The following ADD2 variants were observed in gnomAD, a reference collection of about 807,000 sequenced individuals.
ADD2 encodes the protein adducin 2.
In ADD2, 23 loss-of-function variants were observed where a neutral mutation model predicts 83.0. The observed-to-expected ratio is 0.28, with a 90% CI of 0.20 to 0.39. ADD2 has a LOEUF of 0.39. Ranked by LOEUF, ADD2 falls within the 10% of genes least tolerant of loss-of-function variation. The pLI, the probability that ADD2 is intolerant of heterozygous loss-of-function variation, is 1.00. For missense variants in ADD2, 758 were observed against 944.9 expected (o/e 0.80, Z 2.59); for synonymous variants, 375 against 375.4 (o/e 1.00, Z 0.01).
chr2:70,674,183 A>G (rs1553367737), intron 14 of ADD2, among the ~76,000 whole-genome samples: 1 of 152,194 alleles, frequency 6.6e-6, no homozygotes, highest in East Asian at 1.9e-4. Flanking sequence ...TGCCAGGAAG[A>G]GACAAAGGTA....
At chr2:70,708,656 C>T (rs1553374965) in intron 2 of ADD2, among the ~76,000 whole-genome samples, 7 of 152,198 alleles carry the variant, frequency 4.6e-5, no homozygotes. Flanking sequence ...CATCTGCTAT[C>T]ATACACTTGG....
In ADD2 at chr2:70,657,279, C is replaced by T. The variant is rs997216301; in HGVS notation, c.*6146G>A. On this transcript the variant is annotated 3_prime_UTR_variant, in exon 16 of 16. Coordinates refer to ENST00000264436, the MANE Select transcript of ADD2 (RefSeq NM_001617.4). Reference sequence around the variant, plus strand: ...GAAGACAGTAAGTACTCTTGCGTGACGATTGTCAGACACAGACATTTCACT... The same window carrying T: ...GAAGACAGTAAGTACTCTTGCGTGATGATTGTCAGACACAGACATTTCACT... 8 of 152,024 alleles carry T rather than the reference C, an allele frequency of 5.3e-5. No homozygotes were observed. The highest frequency in any genetic ancestry group is 1.5e-4 in the African/African-American group (6 of 41,334). 9.4% of individuals were successfully genotyped at this position (152,024 alleles called of 1,614,324 possible).
intron 8 of ADD2, 72 bp downstream of exon 8, chr2:70,690,714 A>G: frequency 6.6e-7 from 1 of 1,520,562 alleles, no homozygotes; most frequent in Non-Finnish European, 8.9e-7. Flanking sequence ...TCCAATGAAC[A>G]TATGTCACTT....
At chr2:70,742,549 A>T (rs1157150109) in intron 1 of ADD2, among the ~76,000 whole-genome samples, 3 of 152,246 alleles carry the variant, frequency 2.0e-5, no homozygotes, top group Non-Finnish European at 4.4e-5. Context: ...CGATATCTGC[A>T]ATCAAAGTGA....
At chr2:70,700,449 C>T (rs1293789175) in intron 4 of ADD2, among the ~76,000 whole-genome samples, 2 of 151,936 alleles carry the variant, frequency 1.3e-5, no homozygotes, top group South Asian at 4.2e-4. Flanking sequence ...TAAGGCCAAA[C>T]ATATACTCAT....
intron 15 of ADD2, among the ~76,000 whole-genome samples, chr2:70,666,812 C>A (rs1256833949): frequency 6.6e-6 from 1 of 152,132 alleles, no homozygotes; most frequent in Non-Finnish European, 1.5e-5. Context: ...AAAGTGGGGG[C>A]CACAGATGGT....
At chr2:70,719,377 G>A (rs1302359259) in intron 1 of ADD2, among the ~76,000 whole-genome samples, 4 of 152,218 alleles carry the variant, frequency 2.6e-5, no homozygotes, top group Non-Finnish European at 4.4e-5. Flanking sequence ...GCTCTAGAGA[G>A]ACGATTACAA....
At chr2:70,718,033 C>G (rs1672560123) in intron 1 of ADD2, among the ~76,000 whole-genome samples, 1 of 152,210 alleles carries the variant, frequency 6.6e-6, no homozygotes, top group African/African-American at 2.4e-5. Flanking sequence ...TCCTTTAACT[C>G]CTTCACTGCT....
chr2:70,768,054 C>G lies in ADD2; in HGVS notation c.-322G>C. On this transcript the variant is annotated 5_prime_UTR_variant, in exon 1 of 16. Transcript: ENST00000264436. The stretch of plus-strand genomic sequence containing the variant: ...CTCGTCAGAGCTGCTGGGAGATCCC[C>G]CAGCAGTGCAGCGGCTCCGCGGCGG... 2.9e-6 allele frequency: 4 copies of G among 1,368,826 alleles called. No homozygotes were observed. The highest frequency in any genetic ancestry group is 1.5e-5 in the African/African-American group (1 of 68,936). The allele number at this position is 1,368,826 out of a possible 1,614,324, so 84.8% of individuals were successfully genotyped here. A position where few individuals can be genotyped will look rare whatever the true frequency, so the allele number is the denominator to read the frequency against.
At chr2:70,704,263 T>TGCGCCCCCCCCCCCCCCCCC in intron 4 of ADD2, 58 bp downstream of exon 4, 2 of 913,238 alleles carry the variant, frequency 2.2e-6, no homozygotes, top group Non-Finnish European at 3.4e-6. Flanking sequence ...CTCCCTCTCT[T>TGCGCCCCCCCCCCCCCCCCC]CCCCACCCCA....
intron 1 of ADD2, among the ~76,000 whole-genome samples, chr2:70,757,014 G>C (rs782754556): frequency 7.2e-5 from 11 of 152,146 alleles, no homozygotes; most frequent in Non-Finnish European, 1.3e-4. Context: ...TTTCAGTAGA[G>C]ACAGGGTTTC....
At chr2:70,689,707 C>T (rs538022585) in intron 8 of ADD2, among the ~76,000 whole-genome samples, 2 of 152,300 alleles carry the variant, frequency 1.3e-5, no homozygotes, top group South Asian at 2.1e-4. Context: ...GCCAGGACAG[C>T]GGCAAAGCAT....
Position 70,660,273 on chromosome 2 carries a change from G to GAATGCTC in ADD2, c.*3145_*3151dup, listed in dbSNP as rs1177032871. 2.6e-5 allele frequency: 4 copies of GAATGCTC among 152,164 alleles called. No homozygotes were observed. The highest frequency in any genetic ancestry group is 2.1e-4 in the South Asian group (1 of 4,826). The allele number at this position is 152,164 out of a possible 1,614,324, so 9.4% of individuals were successfully genotyped here. A position where few individuals can be genotyped will look rare whatever the true frequency, so the allele number is the denominator to read the frequency against. ...ATAAAACTGGAAACATTAGCTCTTTGAATGCTCCCCTCTCCTTGTTGAAAA... is the reference window on the plus strand; with the variant it reads ...ATAAAACTGGAAACATTAGCTCTTTGAATGCTCAATGCTCCCCTCTCCTTGTTGAAAA... On this transcript the variant is annotated 3_prime_UTR_variant, in exon 16 of 16. Coordinates refer to ENST00000264436, the MANE Select transcript of ADD2 (RefSeq NM_001617.4).
chr2:70,767,535 A>G, intron 1 of ADD2: 1 of 701,380 alleles, frequency 1.4e-6, no homozygotes, highest in Non-Finnish European at 1.9e-6. Flanking sequence ...GGAGGGGAGG[A>G]GCGGCCCCGC....
chr2:70,678,098 G>A (rs145104392), intron 11 of ADD2, among the ~76,000 whole-genome samples: 1,538 of 152,274 alleles, frequency 0.01, 21 homozygotes, highest in African/African-American at 0.035. Context: ...GCCAAAGGTC[G>A]GCTATAAAGA....
intron 1 of ADD2, among the ~76,000 whole-genome samples, chr2:70,737,922 G>T (rs1192259529): frequency 6.6e-6 from 1 of 152,022 alleles, no homozygotes; most frequent in African/African-American, 2.4e-5. Flanking sequence ...CCACTCTTTA[G>T]AGTGGAAATT....
chr2:70,687,536 C>A (rs983275086), intron 9 of ADD2, among the ~76,000 whole-genome samples: 1 of 152,250 alleles, frequency 6.6e-6, no homozygotes, highest in Admixed American at 6.5e-5. Flanking sequence ...CTGCTTTCCG[C>A]TTCTTTTTCT....
chr2:70,707,805 C>T (rs1553374798), intron 2 of ADD2, among the ~76,000 whole-genome samples: 1 of 152,270 alleles, frequency 6.6e-6, no homozygotes, highest in Non-Finnish European at 1.5e-5. Context: ...TAACCTGCCA[C>T]TCCCTTGCTT....
At chr2:70,666,832 A>G (rs1346966157) in intron 15 of ADD2, among the ~76,000 whole-genome samples, 2 of 152,192 alleles carry the variant, frequency 1.3e-5, no homozygotes, top group Non-Finnish European at 2.9e-5. Context: ...TGCATCTGCC[A>G]TGATTCAGAG....
Sources: allele counts gnomAD v4.1 joint callset (sites outside exome capture counted in the v4.1 genomes callset), GRCh38; gene constraint gnomAD v4.1.1; transcripts MANE v1.5; gene names NCBI Gene and HGNC (gene_info 2026-07-23, HGNC 2026-07-21).